The following ACSM5 variants were observed in gnomAD, a reference collection of about 807,000 sequenced individuals.
ACSM5 encodes acyl-coenzyme A synthetase ACSM5, mitochondrial.
A neutral mutation model predicts 71.6 loss-of-function variants in ACSM5; 56 were observed. That is an observed-to-expected ratio of 0.78 (90% confidence interval 0.63 to 0.98). The LOEUF is 0.98. Among genes scored for constraint, ACSM5 ranks in the 50% least tolerant of loss-of-function variants. The pLI is 0.00. For synonymous variants in ACSM5, 285 were observed against 281.5 expected (o/e 1.01, Z -0.12); for missense variants, 723 against 726.0 (o/e 1.00, Z 0.05).
rs374023853 is a variant in ACSM5 at position 20,419,310 on chromosome 16, T to C, written c.498T>C (p.Ile166=). The C allele has an allele frequency of 5.6e-5, 90 of 1,613,958 alleles. No homozygotes were observed. Among genetic ancestry groups the C allele is most frequent in the Non-Finnish European group, 7.3e-5 (86 of 1,180,008 alleles). Residue 166 remains isoleucine (I), a synonymous_variant, in exon 4 of 14, where the codon ATT becomes ATC. Coordinates refer to ENST00000331849, the MANE Select transcript of ACSM5 (RefSeq NM_017888.3). Reference sequence around the variant, plus strand: ...TGCAGGCGTCCAGGGCCAAGTCCATTATCACCAGTGACTCCCTAGCTCCAA... The same window carrying C: ...TGCAGGCGTCCAGGGCCAAGTCCATCATCACCAGTGACTCCCTAGCTCCAA... ...YRLQASRAKS[I]ITSDSLAPRV...
intron 6 of ACSM5, among the ~76,000 whole-genome samples, chr16:20,424,940 A>G (rs1966949422): frequency 6.6e-6 from 1 of 152,246 alleles, no homozygotes; most frequent in Non-Finnish European, 1.5e-5. Context: ...CGTGAAAATC[A>G]CATCATAGAG....
At chr16:20,421,682 T>TAC (rs1236290117) in intron 5 of ACSM5, among the ~76,000 whole-genome samples, 9 of 140,692 alleles carry the variant, frequency 6.4e-5, no homozygotes, top group African/African-American at 2.5e-4. Context: ...TATACATACA[T>TAC]ACACATATAA....
In ACSM5 at chr16:20,418,858, A is replaced by C. The variant is rs548656903; in HGVS notation, c.416-370A>C. On this transcript the variant is annotated intron_variant, in intron 3 of 13. Transcript: ENST00000331849. Reference sequence around the variant, plus strand: ...ACAGCATCATCCAGCTCCCAAAGGAAGGAAGATAAAGATGAAATAAAAGAA... The same window carrying C: ...ACAGCATCATCCAGCTCCCAAAGGACGGAAGATAAAGATGAAATAAAAGAA... Among the ~76,000 whole-genome samples, 11 of 152,336 alleles carry C rather than the reference A, an allele frequency of 7.2e-5. No individual in the cohort carries two copies. The South Asian group carries it at 1.9e-3, about 26-fold the overall frequency.
rs1410097593 is a variant in ACSM5 at position 20,440,452 on chromosome 16, G to A, written c.*25G>A. On this transcript the variant is annotated 3_prime_UTR_variant, in exon 14 of 14. Transcript: ENST00000331849. Reference sequence around the variant, plus strand: ...AGGTGCACCCCAGGAAGGCCCCGTAGACCTCCGAAGACTCCACAAGAAACT... The same window carrying A: ...AGGTGCACCCCAGGAAGGCCCCGTAAACCTCCGAAGACTCCACAAGAAACT... 1 of 1,580,812 alleles carries A rather than the reference G, an allele frequency of 6.3e-7. No individual in the cohort carries two copies. The highest frequency in any genetic ancestry group is 2.2e-5 in the East Asian group (1 of 44,782).
At chr16:20,410,957 A>G (rs771363455) in intron 1 of ACSM5, among the ~76,000 whole-genome samples, 2 of 152,216 alleles carry the variant, frequency 1.3e-5, no homozygotes, top group Non-Finnish European at 2.9e-5. Context: ...CTCTTTAACA[A>G]TTTATTCTTC....
intron 4 of ACSM5, 25 bp downstream of exon 4, chr16:20,419,460 C>G (rs777956169): frequency 1.2e-6 from 2 of 1,607,284 alleles, no homozygotes; most frequent in Admixed American, 1.7e-5. Context: ...TCCAGAACAG[C>G]AGAAAAATGA....
chr16:20,417,169 T>C (rs778354438), intron 2 of ACSM5, among the ~76,000 whole-genome samples: 10 of 152,168 alleles, frequency 6.6e-5, no homozygotes, highest in Non-Finnish European at 1.0e-4. Context: ...CATAGAGTTA[T>C]TATAATACTG....
intron 3 of ACSM5, 44 bp from the exon 4 acceptor site, chr16:20,419,184 C>T (rs764303669): frequency 1.3e-6 from 2 of 1,598,430 alleles, no homozygotes; most frequent in South Asian, 1.1e-5. Context: ...ATACCCAAGG[C>T]CTTCCCCGCT....
chr16:20,430,361 A>G (rs1423341038), intron 8 of ACSM5, among the ~76,000 whole-genome samples: 1 of 151,924 alleles, frequency 6.6e-6, no homozygotes, highest in African/African-American at 2.4e-5. Context: ...GCCACTGTTC[A>G]GAGTCCAAGA....
intron 2 of ACSM5, among the ~76,000 whole-genome samples, chr16:20,417,045 A>G (rs1326771027): frequency 1.3e-5 from 2 of 149,862 alleles, no homozygotes; most frequent in Admixed American, 1.3e-4. Context: ...AAAAAGGTAC[A>G]ATAACAAACG....
In ACSM5 at chr16:20,431,325, A is replaced by G; in HGVS notation, c.1308+4A>G. 1 of 1,612,148 alleles carries G rather than the reference A, an allele frequency of 6.2e-7. No individual in the cohort carries two copies. Among genetic ancestry groups the G allele is most frequent in the Non-Finnish European group, 8.5e-7 (1 of 1,178,148 alleles). Reference sequence around the variant, plus strand: ...CTGTTTCTTCAATTGCTATTTGGTAAGAGACGGGGAACAGCCGTTCTCATG... The same window carrying G: ...CTGTTTCTTCAATTGCTATTTGGTAGGAGACGGGGAACAGCCGTTCTCATG... On this transcript the variant is annotated splice_donor_region_variant and intron_variant, in intron 10 of 13. Transcript: ENST00000331849.
intron 10 of ACSM5, among the ~76,000 whole-genome samples, chr16:20,432,847 C>CCTTTTTTT (rs1967126135): frequency 1.7e-5 from 1 of 57,610 alleles, no homozygotes; most frequent in Non-Finnish European, 3.2e-5. Flanking sequence ...CCAGATCATT[C>CCTTTTTTT]TTTTTTTTTT....
In ACSM5 at chr16:20,419,304, G is replaced by C. The variant is rs372626063; in HGVS notation, c.492G>C (p.Lys164Asn). The change falls in exon 4 of 14, where the codon AAG becomes AAC. Residue 164 changes from lysine to asparagine, a missense_variant. Transcript: ENST00000331849. ...ACCGGCTGCAGGCGTCCAGGGCCAA[G>C]TCCATTATCACCAGTGACTCCCTAG... ...LKYRLQASRA[K>N]SIITSDSLAP... is the part of the protein sequence containing the mutation. 1 of 1,614,128 alleles carries C rather than the reference G, an allele frequency of 6.2e-7. No homozygotes were observed. The highest frequency in any genetic ancestry group is 8.5e-7 in the Non-Finnish European group (1 of 1,180,024).
chr16:20,420,057 G>A (rs1392528233), intron 4 of ACSM5, among the ~76,000 whole-genome samples: 1 of 152,216 alleles, frequency 6.6e-6, no homozygotes, highest in Non-Finnish European at 1.5e-5. Context: ...AGAGCCGAGA[G>A]CAGATGTGCC....
intron 6 of ACSM5, among the ~76,000 whole-genome samples, chr16:20,424,999 A>G (rs576016830): frequency 6.6e-6 from 1 of 152,234 alleles, no homozygotes; most frequent in East Asian, 1.9e-4. Flanking sequence ...GTTACAATCT[A>G]ATTATACTCT....
chr16:20,437,708 A>G (rs558426768), intron 12 of ACSM5, among the ~76,000 whole-genome samples: 23 of 149,876 alleles, frequency 1.5e-4, no homozygotes, highest in Admixed American at 4.7e-4. Flanking sequence ...CATAGCAAGC[A>G]CACCAGTAAT....
At chr16:20,412,108 C>T in intron 2 of ACSM5, 1 of 193,286 alleles carries the variant, frequency 5.2e-6, no homozygotes, top group Non-Finnish European at 1.1e-5. Flanking sequence ...CACTTTGGGA[C>T]ACCGAGAAGG....
intron 2 of ACSM5, among the ~76,000 whole-genome samples, chr16:20,416,945 G>T (rs76034669): frequency 0.012 from 1,746 of 146,870 alleles, 28 homozygotes; most frequent in African/African-American, 0.042. Flanking sequence ...CACATGAAAA[G>T]ATGCTTAACA....
chr16:20,428,539 T>A (rs1056132198), intron 7 of ACSM5, among the ~76,000 whole-genome samples: 1 of 152,206 alleles, frequency 6.6e-6, no homozygotes, highest in Non-Finnish European at 1.5e-5. Flanking sequence ...AACCCTGACC[T>A]GTTCTCCCTC....
Sources: gnomAD v4.1 joint callset for allele counts (sites outside exome capture counted in the v4.1 genomes callset) on GRCh38, gnomAD v4.1.1 for gene constraint, MANE v1.5 for transcripts, NCBI Gene and HGNC (gene_info 2026-07-23, HGNC 2026-07-21) for gene names.